Variants in TENM2 observed in about 807,000 individuals in gnomAD.
TENM2 encodes teneurin-2.
In TENM2, 52 loss-of-function variants were observed where a neutral mutation model predicts 245.2. That is an observed-to-expected ratio of 0.21 (90% CI 0.17 to 0.27). The LOEUF (loss-of-function observed/expected upper bound fraction) is 0.27. Among genes scored for constraint, TENM2 ranks in the 10% least tolerant of loss-of-function variants. TENM2 has a pLI of 1.00. For synonymous variants in TENM2, 1,363 were observed against 1,438.9 expected, an observed-to-expected ratio of 0.95 and a Z score of 1.19; for missense variants, 3,046 against 3,666.8, an observed-to-expected ratio of 0.83 and a Z score of 4.37.
At chr5:167,747,898 A>T (rs567266929) in intron 2 of TENM2, among the ~76,000 whole-genome samples, 36 of 151,742 alleles carry the variant, frequency 2.4e-4, no homozygotes, top group Admixed American at 1.9e-3. Context: ...CTCTCTCTCT[A>T]TTTTCTCAAT....
intron 27 of TENM2, among the ~76,000 whole-genome samples, chr5:168,249,481 T>C (rs1277342341): frequency 1.4e-5 from 2 of 147,330 alleles, no homozygotes; most frequent in Non-Finnish European, 3.0e-5. Context: ...TGTGTGTGTG[T>C]GCAGATTAAT....
chr5:168,104,427 T>A (rs75173849), intron 9 of TENM2, among the ~76,000 whole-genome samples: 1,835 of 152,024 alleles, frequency 0.012, 32 homozygotes, highest in African/African-American at 0.042. Flanking sequence ...CTGACAGCTG[T>A]GCCCGGAATT....
the TENM2 span, among the ~76,000 whole-genome samples, chr5:167,109,465 C>CA: frequency 2.6e-4 from 39 of 152,168 alleles, 1 homozygote; most frequent in South Asian, 7.5e-3. Flanking sequence ...CAGCATTAAA[C>CA]AAAAATATAA....
At chr5:167,143,961 G>A in the TENM2 span, among the ~76,000 whole-genome samples, 4 of 151,948 alleles carry the variant, frequency 2.6e-5, no homozygotes, top group African/African-American at 9.7e-5. Context: ...GTGATGAGAC[G>A]TCATTACATA....
chr5:167,412,396 C>G (rs907799979), intron 2 of TENM2, among the ~76,000 whole-genome samples: 5 of 152,014 alleles, frequency 3.3e-5, no homozygotes, highest in Admixed American at 6.6e-5. Flanking sequence ...CAAGGTGGCT[C>G]ACACCTGTAA....
At chr5:167,089,082 C>T in the TENM2 span, among the ~76,000 whole-genome samples, 1 of 152,184 alleles carries the variant, frequency 6.6e-6, no homozygotes, top group East Asian at 1.9e-4. Flanking sequence ...AATGGAAAGT[C>T]TTCAAATAAA....
intron 2 of TENM2, among the ~76,000 whole-genome samples, chr5:167,796,917 T>A (rs1233460616): frequency 1.3e-5 from 2 of 152,110 alleles, no homozygotes; most frequent in Non-Finnish European, 1.5e-5. Context: ...GATAGATTTT[T>A]TTTTTTTCTT....
At chr5:167,342,471 G>A (rs1012231222) in intron 1 of TENM2, among the ~76,000 whole-genome samples, 1 of 148,758 alleles carries the variant, frequency 6.7e-6, no homozygotes, top group African/African-American at 2.5e-5. Flanking sequence ...ATCTGACTGC[G>A]GTCGGGTTTT....
intron 2 of TENM2, among the ~76,000 whole-genome samples, chr5:167,575,941 A>G (rs1774638970): frequency 6.6e-6 from 1 of 152,094 alleles, no homozygotes; most frequent in African/African-American, 2.4e-5. Context: ...AGCTACACCT[A>G]ACTATTGAAA....
chr5:167,063,948 G>A, the TENM2 span, among the ~76,000 whole-genome samples: 1 of 152,170 alleles, frequency 6.6e-6, no homozygotes, highest in Non-Finnish European at 1.5e-5. Flanking sequence ...TTGCATTAAT[G>A]ACGGTGGTTA....
At chr5:167,710,828 G>C (rs1455410301) in intron 2 of TENM2, among the ~76,000 whole-genome samples, 5 of 152,320 alleles carry the variant, frequency 3.3e-5, no homozygotes, top group African/African-American at 1.2e-4. Flanking sequence ...CACAAAACGG[G>C]TTTAAGATGA....
At chr5:167,663,095 A>T (rs928535725) in intron 2 of TENM2, among the ~76,000 whole-genome samples, 6 of 151,384 alleles carry the variant, frequency 4.0e-5, no homozygotes, top group Non-Finnish European at 8.8e-5. Context: ...ACTAAGTACC[A>T]GTATACACAT....
intron 8 of TENM2, among the ~76,000 whole-genome samples, chr5:168,097,686 A>G (rs1793484283): frequency 6.6e-6 from 1 of 152,050 alleles, no homozygotes; most frequent in African/African-American, 2.4e-5. Context: ...TCCTGACCTC[A>G]TGTGATCCAC....
chr5:167,713,268 A>G (rs10035753), intron 2 of TENM2, among the ~76,000 whole-genome samples: 2,436 of 151,550 alleles, frequency 0.016, 61 homozygotes, highest in African/African-American at 0.057. Context: ...AACACTGGAG[A>G]GAAGTGCCAA....
chr5:168,184,515 A>G (rs1760216467), intron 13 of TENM2, among the ~76,000 whole-genome samples: 1 of 152,238 alleles, frequency 6.6e-6, no homozygotes, highest in Non-Finnish European at 1.5e-5. Context: ...AAACCAAGCT[A>G]CAGGGAGAAA....
At chr5:167,182,857 C>T in the TENM2 span, among the ~76,000 whole-genome samples, 1 of 152,094 alleles carries the variant, frequency 6.6e-6, no homozygotes, top group Non-Finnish European at 1.5e-5. Flanking sequence ...TTGAGGTGAT[C>T]TTATGAAATG....
intron 2 of TENM2, among the ~76,000 whole-genome samples, chr5:167,450,461 T>A (rs570987278): frequency 5.3e-5 from 8 of 152,246 alleles, no homozygotes; most frequent in Non-Finnish European, 5.9e-5. Context: ...TAATTTCTCG[T>A]TATTTCACTT....
chr5:167,334,342 A>T (rs930779186), intron 1 of TENM2, among the ~76,000 whole-genome samples: 2 of 152,250 alleles, frequency 1.3e-5, no homozygotes, highest in Non-Finnish European at 2.9e-5. Flanking sequence ...GAATGACAGT[A>T]AAATTTTCTT....
At chr5:167,503,087 A>G (rs1043542443) in intron 2 of TENM2, among the ~76,000 whole-genome samples, 1 of 152,118 alleles carries the variant, frequency 6.6e-6, no homozygotes, top group African/African-American at 2.4e-5. Context: ...TCGGCCTCCT[A>G]AAGTGCTGGG....
Sources: gnomAD v4.1 joint callset for allele counts (sites outside exome capture counted in the v4.1 genomes callset) on GRCh38, gnomAD v4.1.1 for gene constraint, MANE v1.5 for transcripts, NCBI Gene and HGNC (gene_info 2026-07-23, HGNC 2026-07-21) for gene names.